Variants in ITPRID2 observed in about 807,000 individuals in gnomAD.
The protein encoded by ITPRID2 is protein ITPRID2.
In ITPRID2, 60 loss-of-function variants were observed where a neutral mutation model predicts 124.3. That is an observed-to-expected ratio of 0.48 (90% confidence interval 0.39 to 0.60). The LOEUF (loss-of-function observed/expected upper bound fraction) is 0.60. Ranked by LOEUF, ITPRID2 falls within the 20% of genes least tolerant of loss-of-function variation. ITPRID2 has a pLI of 0.00. For synonymous variants in ITPRID2, 521 were observed against 542.9 expected (o/e 0.96, Z 0.56); for missense variants, 1,553 against 1,512.2 (o/e 1.03, Z -0.45).
intron 8 of ITPRID2, among the ~76,000 whole-genome samples, chr2:181,904,892 C>T (rs1692973207): frequency 6.6e-6 from 1 of 152,050 alleles, no homozygotes; most frequent in African/African-American, 2.4e-5. Flanking sequence ...GTAAAGAGAG[C>T]TAAATAGATG....
At chr2:181,906,270 T>C (rs1013611169) in intron 8 of ITPRID2, among the ~76,000 whole-genome samples, 2 of 152,150 alleles carry the variant, frequency 1.3e-5, no homozygotes, top group Non-Finnish European at 2.9e-5. Context: ...TTCCTTTTGA[T>C]ATCAGTGCTT....
At chr2:181,913,102 C>G (rs1693740166) in intron 9 of ITPRID2, among the ~76,000 whole-genome samples, 1 of 151,550 alleles carries the variant, frequency 6.6e-6, no homozygotes, top group South Asian at 2.1e-4. Context: ...GAGTCTTGCT[C>G]TGTCGCCCAG....
At position 181,891,898 on chromosome 2, in the gene ITPRID2, T is replaced by TTCCC. The variant is rs951906823; in HGVS notation, c.-155_-152dup. ...CCCTCCGCCCCTTCCCTCCCCTTCC[T>TTCCC]TCCCTCCCTCCCTCCCTGTCCCCTC... On this transcript the variant is annotated 5_prime_UTR_variant, in exon 1 of 18. Transcript: ENST00000431877. 1.1e-5 allele frequency: 4 copies of TTCCC among 348,948 alleles called. No homozygotes were observed. The highest frequency in any genetic ancestry group is 2.2e-5 in the Non-Finnish European group (4 of 185,650). The allele number at this position is 348,948 out of a possible 1,614,324, so 21.6% of individuals were successfully genotyped here.
At chr2:181,922,706 T>C (rs2125110657) in intron 16 of ITPRID2, among the ~76,000 whole-genome samples, 1 of 152,354 alleles carries the variant, frequency 6.6e-6, no homozygotes, top group South Asian at 2.1e-4. Context: ...TTTGGACCTC[T>C]TGTTTCCACA....
chr2:181,915,181 T>C, intron 10 of ITPRID2, 35 bp from the exon 11 acceptor site: 4 of 1,588,422 alleles, frequency 2.5e-6, no homozygotes, highest in East Asian at 2.2e-5. Context: ...TTCTTACATA[T>C]ATTCTTCATC....
Position 181,915,668 on chromosome 2 carries a change from G to A in ITPRID2, c.2028G>A (p.Met676Ile). Residue 676 changes from methionine (M) to isoleucine (I), a missense_variant, in exon 11 of 18, where the codon ATG (methionine) becomes ATA (isoleucine). Transcript: ENST00000431877. ...LASIEAKCSD[M>I]SSENTTGPPS... ...CTATTGAAGCTAAATGCAGTGATAT[G>A]AGCTCTGAAAATACAACTGGGCCTC... 1 of 1,614,182 alleles carries A rather than the reference G, an allele frequency of 6.2e-7. No homozygotes were observed. Among genetic ancestry groups the A allele is most frequent in the Non-Finnish European group, 8.5e-7 (1 of 1,180,032 alleles).
intron 8 of ITPRID2, 112 bp from the exon 9 acceptor site, chr2:181,909,787 A>G: frequency 3.1e-6 from 2 of 641,664 alleles, no homozygotes; most frequent in South Asian, 4.3e-5. Context: ...TATATATATA[A>G]TGTTTTGGTG....
Position 181,900,915 on chromosome 2 carries a change from T to C in ITPRID2, c.712+11T>C, listed in dbSNP as rs761672345. 1.3e-6 allele frequency: 2 copies of C among 1,594,694 alleles called. No homozygotes were observed. Among genetic ancestry groups the C allele is most frequent in the Admixed American group, 3.5e-5 (2 of 57,752 alleles). The stretch of plus-strand genomic sequence containing the variant: ...ATTATGCTTTAACAAGTAAGATTTT[T>C]AAGTGTTAGGCATATTATTTTCTTA... On this transcript the variant is annotated intron_variant, in intron 7 of 17. Transcript: ENST00000431877.
chr2:181,914,861 A>G (rs1296877505), intron 10 of ITPRID2, among the ~76,000 whole-genome samples: 6 of 152,074 alleles, frequency 3.9e-5, no homozygotes, highest in Admixed American at 6.5e-5. Flanking sequence ...GAATGGAGAG[A>G]AGGAGGGAAT....
At chr2:181,918,347 G>A in intron 11 of ITPRID2, 1 of 1,219,820 alleles carries the variant, frequency 8.2e-7, no homozygotes, top group Non-Finnish European at 1.0e-6. Context: ...AGTCCTGAAA[G>A]AAATAGATGT....
At chr2:181,901,641 T>C (rs560186819) in intron 7 of ITPRID2, 125 bp from the exon 8 acceptor site, 12 of 698,346 alleles carry the variant, frequency 1.7e-5, no homozygotes, top group South Asian at 1.5e-4. Flanking sequence ...GAGGAAAAAA[T>C]AGGGTTTTAT....
intron 11 of ITPRID2, chr2:181,917,575 G>C (rs546469082): frequency 2.0e-4 from 30 of 152,290 alleles, no homozygotes; most frequent in African/African-American, 7.0e-4. Context: ...TCCAGCTGTG[G>C]TCTCTTTCTC....
chr2:181,905,614 T>C lies in ITPRID2; in HGVS notation c.1413+3148T>C, dbSNP rs1693050668. Among the ~76,000 whole-genome samples the C allele has an allele frequency of 6.6e-6, 1 of 152,202 alleles. No homozygotes were observed. The highest frequency in any genetic ancestry group is 1.5e-5 in the Non-Finnish European group (1 of 68,026). On this transcript the variant is annotated intron_variant, in intron 8 of 17. Coordinates refer to ENST00000431877, the MANE Select transcript of ITPRID2 (RefSeq NM_001130445.3). The surrounding 1 kb of genome is among the most constrained non-coding windows in gnomAD (Gnocchi z 4.1). ...CAGCATTTCTGTAAGAAGTTGACTG[T>C]GTGGTCTTCTTGACCTTTAAATGAA...
chr2:181,892,740 TC>T lies in ITPRID2; in HGVS notation c.257+83del. ...CCGGAGCAGAGCCACTCGGGCCGCGTCCCTGTGGGTCCCGCGACCGTTGTAA... is the reference window on the plus strand; with the variant it reads ...CCGGAGCAGAGCCACTCGGGCCGCGTCCTGTGGGTCCCGCGACCGTTGTAA... On this transcript the variant is annotated intron_variant, in intron 2 of 17. Coordinates refer to ENST00000431877, the MANE Select transcript of ITPRID2 (RefSeq NM_001130445.3). The surrounding 1 kb of genome is among the most constrained non-coding windows in gnomAD (Gnocchi z 5.2). The T allele has an allele frequency of 1.3e-6, 2 of 1,525,708 alleles. No homozygotes were observed. Among genetic ancestry groups the T allele is most frequent in the Non-Finnish European group, 1.8e-6 (2 of 1,103,104 alleles). 94.5% of individuals were successfully genotyped at this position (1,525,708 alleles called of 1,614,324 possible).
At position 181,892,405 on chromosome 2, in the gene ITPRID2, C is replaced by A; in HGVS notation, c.211+128C>A. On this transcript the variant is annotated intron_variant, in intron 1 of 17. Transcript: ENST00000431877. This position sits in a 1 kb window ranked among gnomAD's most constrained non-coding sequence, Gnocchi z 5.2. ...TAGGCCGAGGGGAGAGGGGACACTT[C>A]CGACCTTCAAACGCGCGCGCTGAAC... 1 of 1,227,532 alleles carries A rather than the reference C, an allele frequency of 8.1e-7. No homozygotes were observed. The highest frequency in any genetic ancestry group is 1.1e-6 in the Non-Finnish European group (1 of 890,434). 76.0% of individuals were successfully genotyped at this position (1,227,532 alleles called of 1,614,324 possible).
At chr2:181,899,881 T>C (rs531057111) in intron 6 of ITPRID2, among the ~76,000 whole-genome samples, 14 of 152,190 alleles carry the variant, frequency 9.2e-5, no homozygotes, top group Non-Finnish European at 2.1e-4. Context: ...CCCGCACATA[T>C]AGTATATTAA....
intron 10 of ITPRID2, 76 bp from the exon 11 acceptor site, chr2:181,915,139 AC>A (rs1431352837): frequency 1.3e-6 from 2 of 1,490,894 alleles, no homozygotes; most frequent in Non-Finnish European, 1.8e-6. Context: ...TTATAGAAGC[AC>A]CATGTTGGTT....
intron 15 of ITPRID2, 119 bp downstream of exon 15, chr2:181,920,781 T>C: frequency 1.2e-6 from 1 of 813,494 alleles, no homozygotes; most frequent in Non-Finnish European, 1.9e-6. Flanking sequence ...GATAAATTAT[T>C]GTTGATTGGA....
In ITPRID2 at chr2:181,902,840, C is replaced by G. The variant is rs553321249; in HGVS notation, c.1413+374C>G. ...AATCAAACAGGGCTTTGAGTTTTGT[C>G]TGCCACTGAATGACTGTATGCCTTT... is the stretch of plus-strand genomic sequence containing the variant. On this transcript the variant is annotated intron_variant, in intron 8 of 17. Coordinates refer to ENST00000431877, the MANE Select transcript of ITPRID2 (RefSeq NM_001130445.3). This position sits in a 1 kb window ranked among gnomAD's most constrained non-coding sequence, Gnocchi z 4.4. 1.3e-5 allele frequency among the ~76,000 whole-genome samples: 2 copies of G among 152,170 alleles called. No homozygotes were observed. Among genetic ancestry groups the G allele is most frequent in the African/African-American group, 2.4e-5 (1 of 41,452 alleles).
Sources: allele counts gnomAD v4.1 joint callset (sites outside exome capture counted in the v4.1 genomes callset), GRCh38; gene constraint gnomAD v4.1.1; non-coding constraint Gnocchi (gnomAD v3.1); transcripts MANE v1.5; gene names NCBI Gene and HGNC (gene_info 2026-07-23, HGNC 2026-07-21).